Variants in XYLT1 observed in about 807,000 individuals in gnomAD.
XYLT1 encodes beta-D-xylosyltransferase 1.
A neutral mutation model predicts 91.3 loss-of-function variants in XYLT1; 36 were observed. The observed-to-expected ratio is 0.39, with a 90% CI of 0.30 to 0.52. The LOEUF (loss-of-function observed/expected upper bound fraction) is 0.52, where lower values mean the gene tolerates loss of function less well. XYLT1 is among the 20% of genes least tolerant of loss of function. The pLI is 0.68. For synonymous variants in XYLT1, 588 were observed against 532.0 expected, an observed-to-expected ratio of 1.11 and a Z score of -1.45; for missense variants, 1,242 against 1,284.5, an observed-to-expected ratio of 0.97 and a Z score of 0.51.
intron 1 of XYLT1, among the ~76,000 whole-genome samples, chr16:17,362,978 C>G (rs561144135): frequency 6.6e-6 from 1 of 152,198 alleles, no homozygotes; most frequent in Non-Finnish European, 1.5e-5. Context: ...GCCTTCTCTC[C>G]GCCAAGAGCC....
intron 2 of XYLT1, among the ~76,000 whole-genome samples, chr16:17,320,015 T>A (rs2034693062): frequency 6.6e-6 from 1 of 152,220 alleles, no homozygotes; most frequent in Admixed American, 6.5e-5. Context: ...CTGGCTCTTC[T>A]GGGACTAGCT....
At chr16:17,310,517 A>G (rs1046941692) in intron 2 of XYLT1, among the ~76,000 whole-genome samples, 13 of 152,120 alleles carry the variant, frequency 8.5e-5, no homozygotes, top group Non-Finnish European at 1.5e-4. Context: ...CCTCCTACTC[A>G]GGGTCAGTAA....
intron 2 of XYLT1, among the ~76,000 whole-genome samples, chr16:17,283,391 A>G (rs1428489738): frequency 2.0e-5 from 3 of 152,200 alleles, no homozygotes; most frequent in Admixed American, 6.5e-5. Context: ...TTCACATCCC[A>G]GAGGAAGGGT....
intron 3 of XYLT1, among the ~76,000 whole-genome samples, chr16:17,236,569 G>T (rs778259203): frequency 1.8e-4 from 27 of 152,288 alleles, no homozygotes; most frequent in Non-Finnish European, 4.0e-4. Flanking sequence ...TCACACAGCT[G>T]GGGGGCTTAA....
At chr16:17,432,485 A>G (rs552272475) in intron 1 of XYLT1, among the ~76,000 whole-genome samples, 1 of 152,338 alleles carries the variant, frequency 6.6e-6, no homozygotes, top group Admixed American at 6.5e-5. Context: ...TATCCAGAAT[A>G]GGCAGATCTA....
chr16:17,199,715 G>T (rs547771289), intron 4 of XYLT1, among the ~76,000 whole-genome samples: 2 of 152,188 alleles, frequency 1.3e-5, no homozygotes, highest in East Asian at 3.9e-4. Context: ...TCTTGCTGCC[G>T]CCATGTAAGA....
chr16:17,142,431 ATTTT>A (rs71137975), intron 6 of XYLT1, among the ~76,000 whole-genome samples: 6 of 122,734 alleles, frequency 4.9e-5, no homozygotes, highest in African/African-American at 1.2e-4. Context: ...AAATCCTGTA[ATTTT>A]TTTTTTTTTT....
At chr16:17,119,382 G>A (rs1273428967) in intron 10 of XYLT1, among the ~76,000 whole-genome samples, 1 of 152,224 alleles carries the variant, frequency 6.6e-6, no homozygotes, top group Non-Finnish European at 1.5e-5. Context: ...ATGTGGGCAT[G>A]TTGGGGCAAA....
intron 2 of XYLT1, among the ~76,000 whole-genome samples, chr16:17,307,927 T>C (rs1277711819): frequency 6.6e-6 from 1 of 152,174 alleles, no homozygotes; most frequent in African/African-American, 2.4e-5. Context: ...CCTGGAAGTC[T>C]CTAAAATAAA....
chr16:17,281,344 C>T (rs1340898173), intron 2 of XYLT1, among the ~76,000 whole-genome samples: 1 of 152,140 alleles, frequency 6.6e-6, no homozygotes, highest in Admixed American at 6.5e-5. Context: ...TGCCTGGCCA[C>T]ACCCGGGGTT....
chr16:17,160,407 T>C (rs1435552137), intron 5 of XYLT1, among the ~76,000 whole-genome samples: 1 of 152,102 alleles, frequency 6.6e-6, no homozygotes, highest in Non-Finnish European at 1.5e-5. Context: ...GTCTCGCCAC[T>C]CCAAGCCCCT....
intron 2 of XYLT1, among the ~76,000 whole-genome samples, chr16:17,286,957 C>T (rs1193078932): frequency 6.6e-6 from 1 of 152,108 alleles, no homozygotes; most frequent in Admixed American, 6.5e-5. Context: ...AAACACCACC[C>T]AGCCAAGGCC....
intron 1 of XYLT1, among the ~76,000 whole-genome samples, chr16:17,450,887 A>C (rs575217955): frequency 1.2e-3 from 179 of 152,304 alleles, no homozygotes; most frequent in African/African-American, 3.7e-3. Context: ...ACACCTTAGG[A>C]CAGGACCAAA....
At chr16:17,352,764 AG>A (rs2035239723) in intron 2 of XYLT1, among the ~76,000 whole-genome samples, 1 of 152,154 alleles carries the variant, frequency 6.6e-6, no homozygotes, top group African/African-American at 2.4e-5. Context: ...TACTATCTGA[AG>A]TTACGGATGC....
intron 5 of XYLT1, among the ~76,000 whole-genome samples, chr16:17,164,358 T>G (rs1186779103): frequency 6.6e-6 from 1 of 152,016 alleles, no homozygotes; most frequent in Non-Finnish European, 1.5e-5. Flanking sequence ...CAGACGAGGT[T>G]GGGTGTGTTC....
intron 11 of XYLT1, among the ~76,000 whole-genome samples, chr16:17,116,627 T>C (rs747644269): frequency 2.6e-5 from 4 of 152,204 alleles, no homozygotes; most frequent in East Asian, 3.9e-4. Context: ...ATAATTCTCA[T>C]GTGAGCATTT....
At chr16:17,336,757 C>T (rs1346753741) in intron 2 of XYLT1, among the ~76,000 whole-genome samples, 1 of 152,212 alleles carries the variant, frequency 6.6e-6, no homozygotes, top group Non-Finnish European at 1.5e-5. Context: ...TCCCCAAACA[C>T]AGGGACTTTC....
chr16:17,205,782 CAATT>C (rs2032631335), intron 3 of XYLT1, among the ~76,000 whole-genome samples: 1 of 152,104 alleles, frequency 6.6e-6, no homozygotes, highest in African/African-American at 2.4e-5. Flanking sequence ...GCCCAGACCA[CAATT>C]AATAACAAAT....
chr16:17,318,937 G>A (rs1015359307), intron 2 of XYLT1, among the ~76,000 whole-genome samples: 3 of 151,996 alleles, frequency 2.0e-5, no homozygotes, highest in African/African-American at 7.3e-5. Flanking sequence ...ACAGGCATGT[G>A]CCACCATGCC....
Sources: gnomAD v4.1 joint callset for allele counts (sites outside exome capture counted in the v4.1 genomes callset) on GRCh38, gnomAD v4.1.1 for gene constraint, MANE v1.5 for transcripts, NCBI Gene and HGNC (gene_info 2026-07-23, HGNC 2026-07-21) for gene names.